The following PCDHGA10 variants were observed in gnomAD, a reference collection of about 807,000 sequenced individuals.
PCDHGA10 encodes the protein protocadherin gamma subfamily A, 10.
Under a neutral mutation model 59.5 loss-of-function variants are expected in PCDHGA10, and 42 were observed. The observed-to-expected ratio is 0.71, with a 90% CI of 0.55 to 0.91. PCDHGA10 has a LOEUF of 0.91. Among genes scored for constraint, PCDHGA10 ranks in the 40% least tolerant of loss-of-function variants. The probability of loss-of-function intolerance (pLI) is 0.00; values close to 1 mark genes in which losing one functional copy is unlikely to be tolerated. For missense variants in PCDHGA10, 1,111 were observed against 1,198.2 expected (o/e 0.93, Z 1.07); for synonymous variants, 511 against 517.2 (o/e 0.99, Z 0.16).
rs2154584583 is a variant in PCDHGA10, at chr5:141,490,717, A to G, written c.2437-4090A>G. The G allele has an allele frequency of 6.2e-7, 1 of 1,613,972 alleles. No individual in the cohort carries two copies. Among genetic ancestry groups the G allele is most frequent in the Non-Finnish European group, 8.5e-7 (1 of 1,179,936 alleles). On this transcript the variant is annotated intron_variant, in intron 1 of 3. Coordinates refer to ENST00000398610, the MANE Select transcript of PCDHGA10 (RefSeq NM_018913.3). The surrounding 1 kb of genome is among the most constrained non-coding windows in gnomAD (Gnocchi z 5.4). ...GGATAATGCCCGCCTCACCTACTCC[A>G]TTGTAGGAAATCAGGTTCAGGGAGC...
intron 1 of PCDHGA10, chr5:141,427,962 G>T: frequency 2.5e-6 from 4 of 1,590,100 alleles, no homozygotes; most frequent in Non-Finnish European, 3.4e-6. Flanking sequence ...TGTGCCGCGG[G>T]TGCTGTACCC....
intron 1 of PCDHGA10, chr5:141,421,478 G>C: frequency 6.2e-7 from 1 of 1,614,130 alleles, no homozygotes. Context: ...CGAAGCGGCA[G>C]CTTGATCACG....
At position 141,493,841 on chromosome 5, in the gene PCDHGA10, T is replaced by C. The variant is rs774682943; in HGVS notation, c.2437-966T>C. On this transcript the variant is annotated intron_variant, in intron 1 of 3. Transcript: ENST00000398610. The surrounding 1 kb of genome is among the most constrained non-coding windows in gnomAD (Gnocchi z 4.3). ...CTCTGCTTCTGGGAGCAAGTATGAGTATTAATTACCAGCCCACCCCAGAAC... is the reference window on the plus strand; with the variant it reads ...CTCTGCTTCTGGGAGCAAGTATGAGCATTAATTACCAGCCCACCCCAGAAC... Among the ~76,000 whole-genome samples the C allele has an allele frequency of 3.3e-5, 5 of 152,140 alleles. No homozygotes were observed. In the East Asian group the frequency reaches 9.7e-4, roughly 29 times the overall value.
Position 141,420,413 on chromosome 5 carries a change from A to G in PCDHGA10, c.2436+4802A>G, listed in dbSNP as rs191893876. 4 of 1,222,394 alleles carry G rather than the reference A, an allele frequency of 3.3e-6. No individual in the cohort carries two copies. In the Admixed American group the frequency reaches 1.1e-4, roughly 33 times the overall value. 75.7% of individuals were successfully genotyped at this position (1,222,394 alleles called of 1,614,324 possible). A position where few individuals can be genotyped will look rare whatever the true frequency, so the allele number is the denominator to read the frequency against. ...ATAGGTCAAATTTATGGTTATCATT[A>G]TTAAAACAAAAGTTTAAATTAAATG... On this transcript the variant is annotated intron_variant, in intron 1 of 3. Transcript: ENST00000398610.
chr5:141,423,238 G>C (rs765040062), intron 1 of PCDHGA10: 4 of 1,613,778 alleles, frequency 2.5e-6, no homozygotes, highest in South Asian at 2.2e-5. Context: ...CAGCATCCCC[G>C]AAGTCCTGGC....
At chr5:141,508,896 C>A (rs1171693212) in intron 3 of PCDHGA10, among the ~76,000 whole-genome samples, 1 of 151,862 alleles carries the variant, frequency 6.6e-6, no homozygotes, top group Non-Finnish European at 1.5e-5. Context: ...GGGGAGGGGG[C>A]GGGGCGGTGG....
At position 141,465,539 on chromosome 5, in the gene PCDHGA10, T is replaced by C. The variant is rs2099105222; in HGVS notation, c.2437-29268T>C. On this transcript the variant is annotated intron_variant, in intron 1 of 3. Transcript: ENST00000398610. ...GATTCTGGGGAAGTTTTCCCAGGCA[T>C]TTTTTCTGCTGAAGCTTTGGTAACT... Among the ~76,000 whole-genome samples the C allele has an allele frequency of 2.0e-5, 3 of 152,178 alleles. No homozygotes were observed. In the South Asian group the frequency reaches 6.2e-4, roughly 32 times the overall value.
Position 141,490,491 on chromosome 5 carries a change from A to T in PCDHGA10, c.2437-4316A>T. 1 of 1,614,098 alleles carries T rather than the reference A, an allele frequency of 6.2e-7. No individual in the cohort carries two copies. Among genetic ancestry groups the T allele is most frequent in the Non-Finnish European group, 8.5e-7 (1 of 1,180,022 alleles). ...GCCAGCCTTTGGACCGGGAGGCCAC[A>T]TCCCACTATATCATCGAGCTGCTGG... On this transcript the variant is annotated intron_variant, in intron 1 of 3. Coordinates refer to ENST00000398610, the MANE Select transcript of PCDHGA10 (RefSeq NM_018913.3). This position sits in a 1 kb window ranked among gnomAD's most constrained non-coding sequence, Gnocchi z 5.4.
At position 141,464,036 on chromosome 5, in the gene PCDHGA10, G is replaced by A. The variant is rs907276618; in HGVS notation, c.2437-30771G>A. On this transcript the variant is annotated intron_variant, in intron 1 of 3. Coordinates refer to ENST00000398610, the MANE Select transcript of PCDHGA10 (RefSeq NM_018913.3). ...ATCCCACACTTTGGGAGGCCAAGGC[G>A]GGTGGATCACCTGAGGTCAGGAGTT... Among the ~76,000 whole-genome samples the A allele has an allele frequency of 2.6e-5, 4 of 152,096 alleles. No individual in the cohort carries two copies. The East Asian group carries it at 5.8e-4, about 22-fold the overall frequency.
chr5:141,491,247 G>A lies in PCDHGA10; in HGVS notation c.2437-3560G>A, dbSNP rs1356752106. ...CAGTGCTGCTGGTTCTGGAGGATGA[G>A]GACCCTGAGGAAATGCCCAAATCCA... On this transcript the variant is annotated intron_variant, in intron 1 of 3. Coordinates refer to ENST00000398610, the MANE Select transcript of PCDHGA10 (RefSeq NM_018913.3). The surrounding 1 kb of genome is among the most constrained non-coding windows in gnomAD (Gnocchi z 6.9). The A allele has an allele frequency of 3.2e-5, 51 of 1,614,192 alleles. No individual in the cohort carries two copies. The highest frequency in any genetic ancestry group is 4.3e-5 in the Non-Finnish European group (51 of 1,180,018).
chr5:141,439,441 T>C (rs2098112892), intron 1 of PCDHGA10, among the ~76,000 whole-genome samples: 2 of 152,348 alleles, frequency 1.3e-5, no homozygotes, highest in South Asian at 4.1e-4. Context: ...GAATATTTTA[T>C]TGCGGGAGCA....
Position 141,511,256 on chromosome 5 carries a change from TTCAGGGC to T in PCDHGA10, c.*85_*91del. 6.4e-7 allele frequency: 1 copy of T among 1,563,506 alleles called. No individual in the cohort carries two copies. Among genetic ancestry groups the T allele is most frequent in the Non-Finnish European group, 8.7e-7 (1 of 1,154,422 alleles). The stretch of plus-strand genomic sequence containing the variant: ...CTTACCTGCACCCAGGCCTCAGAGT[TTCAGGGC>T]TAACCCCCAGAATACTGGTAGGGGC... On this transcript the variant is annotated 3_prime_UTR_variant, in exon 4 of 4. Coordinates refer to ENST00000398610, the MANE Select transcript of PCDHGA10 (RefSeq NM_018913.3).
Position 141,478,516 on chromosome 5 carries a change from G to A in PCDHGA10, c.2437-16291G>A, listed in dbSNP as rs769702987. The A allele has an allele frequency of 4.3e-6, 7 of 1,610,992 alleles. No homozygotes were observed. In the African/African-American group the frequency reaches 8.0e-5, roughly 18 times the overall value. ...GTGATCCGGTGTTCTATAGGCAGGT[G>A]TTGGGTGCAGAGAGCGCCCCTCCCG... On this transcript the variant is annotated intron_variant, in intron 1 of 3. Transcript: ENST00000398610.
chr5:141,490,896 G>C lies in PCDHGA10; in HGVS notation c.2437-3911G>C. The stretch of plus-strand genomic sequence containing the variant: ...TGCATGCCAACACATCTCTGCATGT[G>C]TTTGTCCTAGACGAGAATGATAATG... On this transcript the variant is annotated intron_variant, in intron 1 of 3. Coordinates refer to ENST00000398610, the MANE Select transcript of PCDHGA10 (RefSeq NM_018913.3). This position sits in a 1 kb window ranked among gnomAD's most constrained non-coding sequence, Gnocchi z 5.4. 2.5e-6 allele frequency: 4 copies of C among 1,613,938 alleles called. No homozygotes were observed. The highest frequency in any genetic ancestry group is 3.4e-6 in the Non-Finnish European group (4 of 1,179,922).
chr5:141,440,578 C>T (rs2098188646), intron 1 of PCDHGA10: 1 of 152,138 alleles, frequency 6.6e-6, no homozygotes, highest in Non-Finnish European at 1.5e-5. Flanking sequence ...CTGAGTTTAC[C>T]CAGCTGGAAC....
chr5:141,447,299 C>A (rs543731556), intron 1 of PCDHGA10, among the ~76,000 whole-genome samples: 38 of 152,102 alleles, frequency 2.5e-4, no homozygotes, highest in Middle Eastern at 6.8e-3. Context: ...GCCACCACAC[C>A]CGGCTAATTT....
At chr5:141,457,280 A>T (rs964027392) in intron 1 of PCDHGA10, among the ~76,000 whole-genome samples, 1 of 152,196 alleles carries the variant, frequency 6.6e-6, no homozygotes, top group Non-Finnish European at 1.5e-5. Flanking sequence ...TGGGCCTACG[A>T]AGTTCCTTGG....
intron 1 of PCDHGA10, among the ~76,000 whole-genome samples, chr5:141,464,197 G>A (rs1216682352): frequency 3.3e-5 from 5 of 151,394 alleles, no homozygotes; most frequent in African/African-American, 9.7e-5. Context: ...TTCAGGAGGC[G>A]GAGATTGCAG....
rs748828282 is a variant in PCDHGA10 at position 141,491,412 on chromosome 5, C to T, written c.2437-3395C>T. The T allele has an allele frequency of 3.1e-6, 5 of 1,613,944 alleles. No homozygotes were observed. The African/African-American group carries it at 5.3e-5, about 17-fold the overall frequency. Reference sequence around the variant, plus strand: ...GCCTTCAGGGAAACGCAGACGGGGACGGGGGTGGAGGGCAGTGCTGCAGGC... The same window carrying T: ...GCCTTCAGGGAAACGCAGACGGGGATGGGGGTGGAGGGCAGTGCTGCAGGC... On this transcript the variant is annotated intron_variant, in intron 1 of 3. Coordinates refer to ENST00000398610, the MANE Select transcript of PCDHGA10 (RefSeq NM_018913.3). The surrounding 1 kb of genome is among the most constrained non-coding windows in gnomAD (Gnocchi z 6.9).
Sources: allele counts gnomAD v4.1 joint callset (sites outside exome capture counted in the v4.1 genomes callset), GRCh38; gene constraint gnomAD v4.1.1; non-coding constraint Gnocchi (gnomAD v3.1); transcripts MANE v1.5; gene names NCBI Gene and HGNC (gene_info 2026-07-23, HGNC 2026-07-21).